HS3ST3A1: variants seen among roughly 807,000 people sequenced by gnomAD.
HS3ST3A1 encodes heparan sulfate glucosamine 3-O-sulfotransferase 3A1.
A neutral mutation model predicts 25.7 loss-of-function variants in HS3ST3A1; 19 were observed. The observed-to-expected ratio is 0.74, with a 90% CI of 0.52 to 1.08. The LOEUF is 1.08. Ranked by LOEUF, HS3ST3A1 falls within the 50% of genes least tolerant of loss-of-function variation. HS3ST3A1 has a pLI of 0.00. For missense variants in HS3ST3A1, 459 were observed against 594.3 expected (o/e 0.77, Z 2.37); for synonymous variants, 226 against 278.6 (o/e 0.81, Z 1.88).
intron 1 of HS3ST3A1, among the ~76,000 whole-genome samples, chr17:13,584,562 GGAAA>G (rs1448331081): frequency 8.7e-5 from 13 of 149,888 alleles, no homozygotes; most frequent in African/African-American, 3.0e-4. Context: ...AAGGAAGGAA[GGAAA>G]GAAGGAAGGA....
intron 1 of HS3ST3A1, among the ~76,000 whole-genome samples, chr17:13,579,391 C>G (rs77564079): frequency 0.028 from 4,270 of 152,040 alleles, 190 homozygotes; most frequent in African/African-American, 0.096. Flanking sequence ...GTAATGATTA[C>G]TATGAGATAC....
chr17:13,540,023 T>C (rs992259142), intron 1 of HS3ST3A1, among the ~76,000 whole-genome samples: 1 of 152,196 alleles, frequency 6.6e-6, no homozygotes, highest in Non-Finnish European at 1.5e-5. Context: ...TAAAACATGG[T>C]TTAGATTTGC....
At chr17:13,592,489 T>C (rs760512988) in intron 1 of HS3ST3A1, among the ~76,000 whole-genome samples, 1 of 152,192 alleles carries the variant, frequency 6.6e-6, no homozygotes, top group Non-Finnish European at 1.5e-5. Flanking sequence ...GAAAAGTGTA[T>C]AGCCACTAAA....
chr17:13,513,317 A>G (rs964205092), intron 1 of HS3ST3A1, among the ~76,000 whole-genome samples: 1 of 152,246 alleles, frequency 6.6e-6, no homozygotes, highest in Admixed American at 6.5e-5. Context: ...TCAGCACAGG[A>G]AAACGAAACA....
chr17:13,560,547 C>A (rs915676236), intron 1 of HS3ST3A1, among the ~76,000 whole-genome samples: 1 of 151,938 alleles, frequency 6.6e-6, no homozygotes. Context: ...TGGAGGAAAA[C>A]AAATTTTATT....
chr17:13,541,507 C>T (rs952490488), intron 1 of HS3ST3A1, among the ~76,000 whole-genome samples: 1 of 152,134 alleles, frequency 6.6e-6, no homozygotes, highest in South Asian at 2.1e-4. Flanking sequence ...ATCACCCTGT[C>T]CACCTTCCCA....
At position 13,586,425 on chromosome 17, in the gene HS3ST3A1, TC is replaced by T. The variant is rs372965596; in HGVS notation, c.599+14105del. ...AACCAGAGGGGGTCTGTGAAATCAGTCCTCCACTGCAAGCCTTCAATGCCCC... is the reference window on the plus strand; with the variant it reads ...AACCAGAGGGGGTCTGTGAAATCAGTCTCCACTGCAAGCCTTCAATGCCCC... On this transcript the variant is annotated intron_variant, in intron 1 of 1. Transcript: ENST00000284110. 6.1e-4 allele frequency among the ~76,000 whole-genome samples: 92 copies of T among 151,374 alleles called. No individual in the cohort carries two copies. In the East Asian group the frequency reaches 0.014, roughly 24 times the overall value.
In HS3ST3A1 at chr17:13,523,372, GC is replaced by G. The variant is rs1221168535; in HGVS notation, c.600-26555del. ...ATAACGTAGTAATGGGTAAGACAAA[GC>G]CTGGATATTTGAGAGCCCACATTTG... On this transcript the variant is annotated intron_variant, in intron 1 of 1. Coordinates refer to ENST00000284110, the MANE Select transcript of HS3ST3A1 (RefSeq NM_006042.3). Among the ~76,000 whole-genome samples the G allele has an allele frequency of 2.0e-4, 30 of 152,252 alleles. No homozygotes were observed. In the South Asian group the frequency reaches 2.3e-3, roughly 12 times the overall value.
intron 1 of HS3ST3A1, among the ~76,000 whole-genome samples, chr17:13,499,611 G>A (rs965467857): frequency 6.6e-6 from 1 of 151,986 alleles, no homozygotes; most frequent in African/African-American, 2.4e-5. Flanking sequence ...GTATATGGGT[G>A]GGATTGGGGT....
At chr17:13,538,993 A>T (rs901228864) in intron 1 of HS3ST3A1, among the ~76,000 whole-genome samples, 17 of 152,194 alleles carry the variant, frequency 1.1e-4, no homozygotes, top group African/African-American at 4.1e-4. Context: ...GATATCAGCT[A>T]CAGTCACTCA....
chr17:13,543,290 A>T (rs1906988290), intron 1 of HS3ST3A1, among the ~76,000 whole-genome samples: 1 of 152,178 alleles, frequency 6.6e-6, no homozygotes, highest in Admixed American at 6.5e-5. Context: ...TTAACCTATG[A>T]TATCTGATGC....
intron 1 of HS3ST3A1, among the ~76,000 whole-genome samples, chr17:13,541,305 C>A (rs1443938596): frequency 1.3e-5 from 2 of 152,168 alleles, no homozygotes; most frequent in South Asian, 2.1e-4. Context: ...GCGGGTGATG[C>A]TGAGTAATCT....
intron 1 of HS3ST3A1, among the ~76,000 whole-genome samples, chr17:13,532,878 C>CGT (rs113095368): frequency 0.43 from 59,176 of 137,680 alleles, 12,690 homozygotes; most frequent in Middle Eastern, 0.52. Flanking sequence ...AATACATATA[C>CGT]GTGTGTGTGT....
At chr17:13,538,461 C>T (rs1567617827) in intron 1 of HS3ST3A1, among the ~76,000 whole-genome samples, 1 of 152,182 alleles carries the variant, frequency 6.6e-6, no homozygotes, top group Non-Finnish European at 1.5e-5. Flanking sequence ...TCTAATTTTT[C>T]ACTTCTGATG....
intron 1 of HS3ST3A1, among the ~76,000 whole-genome samples, chr17:13,526,033 T>C (rs1237409725): frequency 6.6e-6 from 1 of 151,998 alleles, no homozygotes; most frequent in Non-Finnish European, 1.5e-5. Context: ...GACTGGGATA[T>C]CAGTCCTCCA....
At chr17:13,582,891 T>C (rs980584778) in intron 1 of HS3ST3A1, among the ~76,000 whole-genome samples, 1 of 152,226 alleles carries the variant, frequency 6.6e-6, no homozygotes, top group Non-Finnish European at 1.5e-5. Context: ...GTAAGTAGCC[T>C]GCACAGTTCC....
At chr17:13,555,457 T>C (rs1423404634) in intron 1 of HS3ST3A1, among the ~76,000 whole-genome samples, 1 of 152,116 alleles carries the variant, frequency 6.6e-6, no homozygotes, top group Non-Finnish European at 1.5e-5. Flanking sequence ...GGAGCCTGTG[T>C]CCTAGAAAAC....
At chr17:13,517,771 C>T (rs1258835414) in intron 1 of HS3ST3A1, among the ~76,000 whole-genome samples, 1 of 152,178 alleles carries the variant, frequency 6.6e-6, no homozygotes, top group African/African-American at 2.4e-5. Flanking sequence ...CCTGCCTTAG[C>T]CTCCCAAGTA....
At chr17:13,502,387 G>T (rs1181799800) in intron 1 of HS3ST3A1, among the ~76,000 whole-genome samples, 2 of 152,142 alleles carry the variant, frequency 1.3e-5, no homozygotes, top group Non-Finnish European at 2.9e-5. Flanking sequence ...TCTAGCACTG[G>T]CTGCACCACT....
Sources: allele counts gnomAD v4.1 joint callset (sites outside exome capture counted in the v4.1 genomes callset), GRCh38; gene constraint gnomAD v4.1.1; transcripts MANE v1.5; gene names NCBI Gene and HGNC (gene_info 2026-07-23, HGNC 2026-07-21).